EXD3: variants seen among roughly 807,000 people sequenced by gnomAD.
EXD3 encodes exonuclease mut-7 homolog.
In EXD3, 92 loss-of-function variants were observed where a neutral mutation model predicts 98.0. That is an observed-to-expected ratio of 0.94 (90% CI 0.79 to 1.12). The LOEUF (loss-of-function observed/expected upper bound fraction) is 1.12, where lower values mean the gene tolerates loss of function less well. Among genes scored for constraint, EXD3 ranks in the 50% most tolerant of loss-of-function variants. The probability of loss-of-function intolerance (pLI) is 0.00; values close to 1 mark genes in which losing one functional copy is unlikely to be tolerated. For synonymous variants in EXD3, 569 were observed against 526.0 expected (o/e 1.08, Z -1.12); for missense variants, 1,222 against 1,191.6 (o/e 1.03, Z -0.38).
chr9:137,409,043 G>A (rs1162372339), intron 1 of EXD3, among the ~76,000 whole-genome samples: 4 of 152,240 alleles, frequency 2.6e-5, no homozygotes, highest in Non-Finnish European at 5.9e-5. Flanking sequence ...TCTGAAACAC[G>A]CTGGAATTCC....
intron 19 of EXD3, among the ~76,000 whole-genome samples, chr9:137,316,133 G>C (rs1183963571): frequency 1.3e-5 from 2 of 151,472 alleles, no homozygotes; most frequent in South Asian, 4.2e-4. Context: ...TTTCCCAGAC[G>C]GGGGAGGGGC....
intron 14 of EXD3, among the ~76,000 whole-genome samples, chr9:137,350,361 G>T (rs1240775071): frequency 1.2e-5 from 1 of 84,770 alleles, no homozygotes; most frequent in African/African-American, 4.6e-5. Flanking sequence ...GGGATCACGG[G>T]GAAGGTGCTA....
intron 2 of EXD3, among the ~76,000 whole-genome samples, chr9:137,389,333 G>A (rs1019141872): frequency 5.0e-5 from 6 of 120,362 alleles, no homozygotes; most frequent in Non-Finnish European, 9.7e-5. Context: ...CATCTGGCAC[G>A]GAGCCCCTTG....
At chr9:137,327,651 A>G (rs1342305994) in intron 17 of EXD3, among the ~76,000 whole-genome samples, 3 of 73,402 alleles carry the variant, frequency 4.1e-5, no homozygotes, top group Admixed American at 1.3e-4. Context: ...TATGATGAGT[A>G]AAAACAACCA....
intron 1 of EXD3, among the ~76,000 whole-genome samples, chr9:137,421,204 C>T (rs533512499): frequency 5.9e-5 from 9 of 152,244 alleles, no homozygotes; most frequent in South Asian, 2.1e-4. Context: ...CTCCTTCAAA[C>T]GCTGTTATGA....
In EXD3 at chr9:137,407,819, GAC is replaced by G. The variant is rs963288261; in HGVS notation, c.-47-12417_-47-12416del. Among the ~76,000 whole-genome samples the G allele has an allele frequency of 6.0e-5, 9 of 149,306 alleles. No individual in the cohort carries two copies. Among genetic ancestry groups the G allele is most frequent in the African/African-American group, 2.2e-4 (9 of 40,790 alleles). On this transcript the variant is annotated intron_variant, in intron 1 of 21. Transcript: ENST00000340951. The surrounding 1 kb of genome is among the most constrained non-coding windows in gnomAD (Gnocchi z 4.4). Reference sequence around the variant, plus strand: ...CTTGGATGCGCCGGCTGGACCCAAGGACACACGCGGGAGGCGGGAGGCGGGAG... The same window carrying G: ...CTTGGATGCGCCGGCTGGACCCAAGGACACGCGGGAGGCGGGAGGCGGGAG...
At chr9:137,417,843 G>GCCGT (rs1302091366) in intron 1 of EXD3, among the ~76,000 whole-genome samples, 1 of 152,182 alleles carries the variant, frequency 6.6e-6, no homozygotes, top group African/African-American at 2.4e-5. Context: ...GGGAGGCCGG[G>GCCGT]CCGTCAGGCG....
chr9:137,351,231 C>T (rs1834283263), intron 13 of EXD3, 84 bp from the exon 14 acceptor site: 2 of 1,527,702 alleles, frequency 1.3e-6, no homozygotes, highest in South Asian at 2.4e-5. Flanking sequence ...CCAGCACCCT[C>T]CCCGGGGCAC....
chr9:137,365,637 G>C, intron 7 of EXD3: 1 of 167,314 alleles, frequency 6.0e-6, no homozygotes. Flanking sequence ...ACACACACGT[G>C]CACACACATA....
intron 17 of EXD3, among the ~76,000 whole-genome samples, chr9:137,336,570 G>A (rs10156663): frequency 0.015 from 2,295 of 150,914 alleles, 37 homozygotes; most frequent in African/African-American, 0.051. Context: ...CTGAGGCAGA[G>A]CTGCTTGAAC....
chr9:137,398,544 G>A (rs1041201066), intron 1 of EXD3, among the ~76,000 whole-genome samples: 30 of 150,584 alleles, frequency 2.0e-4, no homozygotes, highest in South Asian at 6.3e-4. Context: ...AGGCAACCGC[G>A]TCCCCAAGAC....
chr9:137,391,583 G>T (rs1218122196), intron 2 of EXD3, among the ~76,000 whole-genome samples: 4 of 34,286 alleles, frequency 1.2e-4, no homozygotes, highest in African/African-American at 4.8e-4. Context: ...CCCACCGCCC[G>T]CCGGCCCTGG....
chr9:137,344,638 A>C (rs1833827915), intron 17 of EXD3, among the ~76,000 whole-genome samples: 2 of 152,202 alleles, frequency 1.3e-5, no homozygotes, highest in Admixed American at 1.3e-4. Flanking sequence ...ACTTATTCTT[A>C]GCATCTTTTG....
At chr9:137,411,052 A>G (rs1837972170) in intron 1 of EXD3, among the ~76,000 whole-genome samples, 1 of 152,186 alleles carries the variant, frequency 6.6e-6, no homozygotes, top group Non-Finnish European at 1.5e-5. Context: ...CTGTGCGCTG[A>G]GCAGGTGTCC....
chr9:137,307,257 G>GCTGGGC lies in EXD3; in HGVS notation c.2318_2323dup (p.Gly773_Pro774dup). 5.9e-6 allele frequency: 9 copies of GCTGGGC among 1,531,708 alleles called. No homozygotes were observed. The highest frequency in any genetic ancestry group is 7.9e-6 in the Non-Finnish European group (9 of 1,141,564). The allele number at this position is 1,531,708 out of a possible 1,614,324, so 94.9% of individuals were successfully genotyped here. ...GCAGCCCTCAGGGGCTGCGTCTGGG[G>GCTGGGC]CTGGGCCTGGACAGATAGAAGTGGA... On this transcript the variant is annotated inframe_insertion, in exon 22 of 22. Transcript: ENST00000340951.
In EXD3 at chr9:137,307,116, C is replaced by T; in HGVS notation, c.2465G>A (p.Arg822Lys). 1 of 1,606,806 alleles carries T rather than the reference C, an allele frequency of 6.2e-7. No individual in the cohort carries two copies. The highest frequency in any genetic ancestry group is 8.5e-7 in the Non-Finnish European group (1 of 1,177,400). The change falls in exon 22 of 22, where the codon AGG (arginine) becomes AAG (lysine). Residue 822 changes from arginine to lysine, a missense_variant. Physicochemically the swap from Arg to Lys is conservative, Grantham distance 26 (BLOSUM62 2). Transcript: ENST00000340951. ...GTAGAAGCACCGCAGCCCAGGTGTC[C>T]TCAGCACACCCACCGGGACCCCTGC... ...QLAGVPVGVL[R>K]TPGLRCFYCC...
intron 21 of EXD3, 99 bp from the exon 22 acceptor site, chr9:137,307,362 C>A (rs575475565): frequency 5.5e-4 from 777 of 1,421,178 alleles, no homozygotes; most frequent in Non-Finnish European, 6.5e-4. Context: ...GCTGAGCCCA[C>A]GCTCACTCCT....
intron 7 of EXD3, 42 bp from the exon 8 acceptor site, chr9:137,356,410 T>A (rs1834792062): frequency 3.2e-6 from 4 of 1,237,520 alleles, no homozygotes; most frequent in East Asian, 5.1e-5. Context: ...CTGTTTTAAG[T>A]TAATACATTT....
At chr9:137,389,471 C>T (rs1390166224) in intron 2 of EXD3, among the ~76,000 whole-genome samples, 1 of 152,174 alleles carries the variant, frequency 6.6e-6, no homozygotes, top group South Asian at 2.1e-4. Flanking sequence ...AGAACCTGAC[C>T]CAGCCTAAGC....
Sources: allele counts gnomAD v4.1 joint callset (sites outside exome capture counted in the v4.1 genomes callset), GRCh38; gene constraint gnomAD v4.1.1; non-coding constraint Gnocchi (gnomAD v3.1); transcripts MANE v1.5; gene names NCBI Gene and HGNC (gene_info 2026-07-23, HGNC 2026-07-21).